Variants in MST1R observed in about 807,000 individuals in gnomAD.
MST1R encodes the protein macrophage stimulating 1 receptor.
In MST1R, 99 loss-of-function variants were observed where a neutral mutation model predicts 117.8. The ratio of observed to expected loss-of-function variants is 0.84; its 90% CI spans 0.71 to 0.99. The LOEUF (loss-of-function observed/expected upper bound fraction) is 0.99. Ranked by LOEUF, MST1R falls within the 50% of genes least tolerant of loss-of-function variation. The probability of loss-of-function intolerance (pLI) is 0.00; values close to 1 mark genes in which losing one functional copy is unlikely to be tolerated. For missense variants in MST1R, 1,683 were observed against 1,840.2 expected (o/e 0.91, Z 1.56); for synonymous variants, 734 against 765.3 (o/e 0.96, Z 0.68).
rs2108474096 is a variant in MST1R at position 49,898,926 on chromosome 3, G to A, written c.1489C>T (p.Pro497Ser). Reference sequence around the variant, plus strand: ...AGACGACTGACATCCCGCTGCACGGGCTGCCCACTGTCACCCAGTGAGAAG... The same window carrying A: ...AGACGACTGACATCCCGCTGCACGGACTGCCCACTGTCACCCAGTGAGAAG... ...SNFSLGDSGQ[P>S]VQRDVSRLGD... Residue 497 changes from proline to serine, a missense_variant, in exon 3 of 20, where the codon CCC becomes TCC. Pro to Ser is a moderately conservative substitution (Grantham distance 74). Coordinates refer to ENST00000296474, the MANE Select transcript of MST1R (RefSeq NM_002447.4). The A allele has an allele frequency of 6.2e-7, 1 of 1,614,188 alleles. No homozygotes were observed. Among genetic ancestry groups the A allele is most frequent in the Non-Finnish European group, 8.5e-7 (1 of 1,180,044 alleles).
rs372305300 is a variant in MST1R at position 49,895,153 on chromosome 3, C to A, written c.3271+14G>T. 2.5e-6 allele frequency: 4 copies of A among 1,613,442 alleles called. No individual in the cohort carries two copies. Among genetic ancestry groups the A allele is most frequent in the Non-Finnish European group, 3.4e-6 (4 of 1,180,008 alleles). On this transcript the variant is annotated intron_variant, in intron 14 of 19. Transcript: ENST00000296474. ...AGACTCCATCTCTGCCCCAGCCCCA[C>A]CTGGCCCCCACACCTTTGCCAATGA... is the stretch of plus-strand genomic sequence containing the variant.
rs2108459038 is a variant in MST1R at position 49,897,579 on chromosome 3, G to A, written c.1987C>T (p.Pro663Ser). The A allele has an allele frequency of 6.2e-7, 1 of 1,614,048 alleles. No homozygotes were observed. The highest frequency in any genetic ancestry group is 8.5e-7 in the Non-Finnish European group (1 of 1,179,954). Residue 663 changes from proline (P) to serine (S), a missense_variant, in exon 6 of 20, where the codon CCA becomes TCA. Coordinates refer to ENST00000296474, the MANE Select transcript of MST1R (RefSeq NM_002447.4). The stretch of plus-strand genomic sequence containing the variant: ...TCTACCCGGAAGTGCTTGCCCGGTG[G>A]CATGTTAGTCACGGTGAGGCTGACG... ...TNVSLTVTNM[P>S]PGKHFRVDGT...
Position 49,903,596 on chromosome 3 carries a change from G to C in MST1R, c.14C>G (p.Pro5Arg). 1 of 1,563,878 alleles carries C rather than the reference G, an allele frequency of 6.4e-7. No homozygotes were observed. Among genetic ancestry groups the C allele is most frequent in the Admixed American group, 1.7e-5 (1 of 58,004 alleles). The change falls in exon 1 of 20, where the codon CCG becomes CGG. Residue 5 changes from proline to arginine, a missense_variant. By Grantham distance (103) the Pro-to-Arg change is moderately radical (BLOSUM62 -2). Transcript: ENST00000296474. MELL[P>R]PLPQSFLLLL... ...CAACAGGAAGGACTGAGGCAGCGGCGGGAGGAGCTCCATCGAGGCGAGCTG... is the reference window on the plus strand; with the variant it reads ...CAACAGGAAGGACTGAGGCAGCGGCCGGAGGAGCTCCATCGAGGCGAGCTG...
At chr3:49,897,779 A>G in intron 5 of MST1R, 94 bp from the exon 6 acceptor site, 16 of 1,470,052 alleles carry the variant, frequency 1.1e-5, no homozygotes, top group Non-Finnish European at 1.5e-5. Context: ...TGAGCCAGAG[A>G]ATGGCATTTC....
chr3:49,896,808 C>T lies in MST1R; in HGVS notation c.2266G>A (p.Ala756Thr), dbSNP rs375227799. The T allele has an allele frequency of 1.2e-5, 18 of 1,560,368 alleles. No individual in the cohort carries two copies. In the African/African-American group the frequency reaches 2.3e-4, roughly 20 times the overall value. The change falls in exon 8 of 20, where the codon GCC (alanine) becomes ACC (threonine). Residue 756 changes from alanine (A) to threonine (T), a missense_variant. Transcript: ENST00000296474. The stretch of plus-strand genomic sequence containing the variant: ...AAGGTCCAGGAACCAGGTACCTGGG[C>T]ACCCCCCACCTGCAGGCTAAGGGGG... ...SVPLSLQVGG[A>T]QVPGSWTFQY...
Position 49,898,144 on chromosome 3 carries a change from A to C in MST1R, c.1787T>G (p.Leu596Arg), listed in dbSNP as rs1213247578. Residue 596 changes from leucine to arginine, a missense_variant, in exon 5 of 20, where the codon CTT (leucine) becomes CGT (arginine). By Grantham distance (102) the Leu-to-Arg change is moderately radical. Coordinates refer to ENST00000296474, the MANE Select transcript of MST1R (RefSeq NM_002447.4). The part of the protein sequence containing the change: ...RLTLCGSNFY[L>R]HPSGLVPEGT... Reference sequence around the variant, plus strand: ...CTCAGGCACCAGACCAGAAGGGTGAAGGTAGAAGTTGGAGCCACACAGGGT... The same window carrying C: ...CTCAGGCACCAGACCAGAAGGGTGACGGTAGAAGTTGGAGCCACACAGGGT... 6.2e-7 allele frequency: 1 copy of C among 1,613,922 alleles called. No individual in the cohort carries two copies. Among genetic ancestry groups the C allele is most frequent in the African/African-American group, 1.3e-5 (1 of 74,918 alleles).
At chr3:49,888,953 T>G (rs1253766259) in intron 19 of MST1R, among the ~76,000 whole-genome samples, 1 of 152,156 alleles carries the variant, frequency 6.6e-6, no homozygotes, top group African/African-American at 2.4e-5. Context: ...TGACTGAGGC[T>G]CTCTCTAGGA....
chr3:49,898,140 G>A lies in MST1R; in HGVS notation c.1791C>T (p.His597=), dbSNP rs1559478701. 5 of 1,613,978 alleles carry A rather than the reference G, an allele frequency of 3.1e-6. No homozygotes were observed. The highest frequency in any genetic ancestry group is 1.3e-5 in the African/African-American group (1 of 74,928). The change falls in exon 5 of 20, where the codon CAC becomes CAT. Residue 597 remains histidine, a synonymous_variant. Coordinates refer to ENST00000296474, the MANE Select transcript of MST1R (RefSeq NM_002447.4). ...TTCCCTCAGGCACCAGACCAGAAGGGTGAAGGTAGAAGTTGGAGCCACACA... is the reference window on the plus strand; with the variant it reads ...TTCCCTCAGGCACCAGACCAGAAGGATGAAGGTAGAAGTTGGAGCCACACA... The part of the protein sequence containing the change: ...LTLCGSNFYL[H]PSGLVPEGTH...
intron 1 of MST1R, among the ~76,000 whole-genome samples, chr3:49,901,804 T>G: frequency 6.6e-6 from 1 of 151,046 alleles, no homozygotes; most frequent in African/African-American, 2.4e-5. Context: ...GAAGGGGAGA[T>G]TCTCTGACAA....
chr3:49,900,034 A>G (rs1473518941), intron 1 of MST1R, among the ~76,000 whole-genome samples: 1 of 152,182 alleles, frequency 6.6e-6, no homozygotes, highest in Non-Finnish European at 1.5e-5. Flanking sequence ...TGTGCACTTC[A>G]GCAAACCCTG....
Position 49,887,325 on chromosome 3 carries a change from C to T in MST1R, c.4185G>A (p.Glu1395=). The T allele has an allele frequency of 1.2e-6, 2 of 1,614,214 alleles. No homozygotes were observed. Among genetic ancestry groups the T allele is most frequent in the Non-Finnish European group, 1.7e-6 (2 of 1,180,048 alleles). ...AACTAAGTCAAGTGGGCCGAGGAGG[C>T]TCTGAGAGTGGCCGGGGCCGGCGTA... ...GNVRRPRPLS[E]PPRPT The change falls in exon 20 of 20, where the codon GAG becomes GAA. Residue 1395 remains glutamate (E), a synonymous_variant. Coordinates refer to ENST00000296474, the MANE Select transcript of MST1R (RefSeq NM_002447.4).
Position 49,899,086 on chromosome 3 carries a change from G to A in MST1R, c.1408C>T (p.Arg470Cys), listed in dbSNP as rs757151241. 14 of 1,613,990 alleles carry A rather than the reference G, an allele frequency of 8.7e-6. No individual in the cohort carries two copies. The highest frequency in any genetic ancestry group is 1.6e-4 in the Middle Eastern group (1 of 6,084). The change falls in exon 2 of 20, where the codon CGT becomes TGT. Residue 470 changes from arginine to cysteine, a missense_variant. Physicochemically the swap from Arg to Cys is radical, Grantham distance 180 (BLOSUM62 -3). Transcript: ENST00000296474. Reference protein sequence around the residue: ...TVAHMGTMDGRILQVELVRSL... With the variant: ...TVAHMGTMDGCILQVELVRSL... ...GGATGAGGACCCACCTGCAGGATACGCCCATCCATTGTGCCCATGTGTGCC... is the reference window on the plus strand; with the variant it reads ...GGATGAGGACCCACCTGCAGGATACACCCATCCATTGTGCCCATGTGTGCC...
intron 6 of MST1R, 46 bp downstream of exon 6, chr3:49,897,474 G>A (rs763129719): frequency 1.4e-4 from 229 of 1,609,868 alleles, no homozygotes; most frequent in East Asian, 3.6e-4. Context: ...CTCCCTTCCC[G>A]TACCATGCAC....
intron 19 of MST1R, 135 bp from the exon 20 acceptor site, chr3:49,887,697 A>G: frequency 1.1e-6 from 1 of 918,192 alleles, no homozygotes; most frequent in Non-Finnish European, 1.7e-6. Flanking sequence ...GCACTACCCA[A>G]TCAGGGGCAG....
rs149709041 is a variant in MST1R, at chr3:49,903,563, A to G, written c.47T>C (p.Leu16Pro). 9 of 1,590,230 alleles carry G rather than the reference A, an allele frequency of 5.7e-6. No homozygotes were observed. In the African/African-American group the frequency reaches 1.1e-4, roughly 19 times the overall value. Residue 16 changes from leucine to proline, a missense_variant, in exon 1 of 20, where the codon CTG (leucine) becomes CCG (proline). Physicochemically the swap from Leu to Pro is moderately conservative, Grantham distance 98 (BLOSUM62 -3). Transcript: ENST00000296474. ...PLPQSFLLLL[L>P]LPAKPAAGED... ...GCCCGCCGCGGGCTTGGCAGGCAAC[A>G]GCAGCAGCAACAGGAAGGACTGAGG... is the stretch of plus-strand genomic sequence containing the variant.
chr3:49,902,790 T>G lies in MST1R; in HGVS notation c.820A>C (p.Ser274Arg). The G allele has an allele frequency of 6.2e-7, 1 of 1,613,882 alleles. No individual in the cohort carries two copies. The highest frequency in any genetic ancestry group is 8.5e-7 in the Non-Finnish European group (1 of 1,180,032). The change falls in exon 1 of 20, where the codon AGT (serine) becomes CGT (arginine). Residue 274 changes from serine to arginine, a missense_variant. Coordinates refer to ENST00000296474, the MANE Select transcript of MST1R (RefSeq NM_002447.4). The part of the protein sequence containing the change: ...VQPASVTDDP[S>R]ALHTRLARLS... ...CGTGCCAGGCGTGTGTGCAGGGCAC[T>G]AGGATCATCTGTCACGCTGGCCGGC...
rs780150009 is a variant in MST1R at position 49,897,280 on chromosome 3, C to T, written c.2183G>A (p.Arg728Gln). The change falls in exon 7 of 20, where the codon CGG becomes CAG. Residue 728 changes from arginine to glutamine, a missense_variant and splice_region_variant. Arg to Gln is a conservative substitution (Grantham distance 43). Coordinates refer to ENST00000296474, the MANE Select transcript of MST1R (RefSeq NM_002447.4). Reference protein sequence around the residue: ...LVNGTECLLARVSEGQLLCAT... With the variant: ...LVNGTECLLAQVSEGQLLCAT... ...CCCATGCCTGCCTGGTGGTACTTACCGTGCTAGCAGACACTCAGTCCCATT... is the reference window on the plus strand; with the variant it reads ...CCCATGCCTGCCTGGTGGTACTTACTGTGCTAGCAGACACTCAGTCCCATT... The T allele has an allele frequency of 1.2e-5, 20 of 1,600,296 alleles. No homozygotes were observed. The highest frequency in any genetic ancestry group is 4.5e-5 in the South Asian group (4 of 89,626).
At position 49,899,132 on chromosome 3, in the gene MST1R, T is replaced by C; in HGVS notation, c.1362A>G (p.Thr454=). 6.2e-7 allele frequency: 1 copy of C among 1,614,176 alleles called. No individual in the cohort carries two copies. The highest frequency in any genetic ancestry group is 8.5e-7 in the Non-Finnish European group (1 of 1,180,042). The change falls in exon 2 of 20, where the codon ACA becomes ACG. Residue 454 remains threonine, a synonymous_variant. Coordinates refer to ENST00000296474, the MANE Select transcript of MST1R (RefSeq NM_002447.4). The stretch of plus-strand genomic sequence containing the variant: ...GTGCCACTGTGACGTTGTCAAGGCG[T>C]GTCACATACAATGCAGTGACCTGTA... ...GPVQVTALYV[T]RLDNVTVAHM...
intron 7 of MST1R, 101 bp from the exon 8 acceptor site, chr3:49,896,991 C>G (rs1361917502): frequency 7.4e-7 from 1 of 1,345,042 alleles, no homozygotes; most frequent in Non-Finnish European, 9.9e-7. Flanking sequence ...TCTGTTATCT[C>G]TCCCACCTGC....
Sources: gnomAD v4.1 joint callset for allele counts (sites outside exome capture counted in the v4.1 genomes callset) on GRCh38, gnomAD v4.1.1 for gene constraint, MANE v1.5 for transcripts, NCBI Gene and HGNC (gene_info 2026-07-23, HGNC 2026-07-21) for gene names.